Variants in ME2 observed in about 807,000 individuals in gnomAD.
ME2 encodes NAD-dependent malic enzyme, mitochondrial.
ME2 carries 60 observed loss-of-function variants against 73.7 expected under a neutral mutation model. The ratio of observed to expected loss-of-function variants is 0.81; its 90% CI spans 0.66 to 1.01. ME2 has a LOEUF of 1.01. Ranked by LOEUF, ME2 falls within the 50% of genes least tolerant of loss-of-function variation. The probability of loss-of-function intolerance (pLI) is 0.00; values close to 1 mark genes in which losing one functional copy is unlikely to be tolerated. For synonymous variants in ME2, 199 were observed against 236.9 expected (o/e 0.84, Z 1.47); for missense variants, 594 against 705.5 (o/e 0.84, Z 1.79).
intron 7 of ME2, 122 bp from the exon 8 acceptor site, chr18:50,920,334 G>T (rs541968494): frequency 6.2e-6 from 4 of 647,710 alleles, no homozygotes; most frequent in Admixed American, 3.8e-5. Flanking sequence ...AAATTTTTCA[G>T]ATGGCCTTAA....
At chr18:50,917,545 G>A (rs771530715) in intron 6 of ME2, 37 bp downstream of exon 6, 2 of 1,440,470 alleles carry the variant, frequency 1.4e-6, no homozygotes, top group East Asian at 2.3e-5. Flanking sequence ...TCTTCCTCCT[G>A]TATTTTTTAA....
intron 3 of ME2, among the ~76,000 whole-genome samples, chr18:50,912,214 T>C (rs1917173397): frequency 6.6e-6 from 1 of 152,224 alleles, no homozygotes. Context: ...CAAGCTGATA[T>C]TTCCCTGTTC....
chr18:50,953,176 T>A lies in ME2; in HGVS notation c.*5992T>A, dbSNP rs1049659188. The A allele has an allele frequency of 6.6e-6, 1 of 150,536 alleles. No individual in the cohort carries two copies. The highest frequency in any genetic ancestry group is 6.7e-5 in the Admixed American group (1 of 15,032). The allele number at this position is 150,536 out of a possible 1,614,324, so 9.3% of individuals were successfully genotyped here. ...GTGCAGTGGCGCAATCTCAGCTCACTGCAAGCTCCGCCTCCCGGGTTATGC... is the reference window on the plus strand; with the variant it reads ...GTGCAGTGGCGCAATCTCAGCTCACAGCAAGCTCCGCCTCCCGGGTTATGC... On this transcript the variant is annotated 3_prime_UTR_variant, in exon 16 of 16. Coordinates refer to ENST00000321341, the MANE Select transcript of ME2 (RefSeq NM_002396.5).
chr18:50,889,337 G>A (rs1170800082), intron 1 of ME2, among the ~76,000 whole-genome samples: 1 of 152,162 alleles, frequency 6.6e-6, no homozygotes, highest in Non-Finnish European at 1.5e-5. Context: ...GGAAGGGGGT[G>A]CTGGACATTA....
At chr18:50,941,407 C>T (rs1295882610) in intron 15 of ME2, among the ~76,000 whole-genome samples, 3 of 105,178 alleles carry the variant, frequency 2.9e-5, no homozygotes, top group African/African-American at 1.2e-4. Context: ...TGCTCTGTCA[C>T]CCAGGCTTGA....
chr18:50,942,885 T>C (rs1269464423), intron 15 of ME2: 4 of 228,308 alleles, frequency 1.8e-5, no homozygotes, highest in African/African-American at 8.9e-5. Flanking sequence ...TTTTTTAATA[T>C]GCATAGTCCG....
chr18:50,892,256 A>G (rs890572902), intron 1 of ME2, among the ~76,000 whole-genome samples: 4 of 152,194 alleles, frequency 2.6e-5, no homozygotes, highest in Admixed American at 2.6e-4. Context: ...ATTTTCTCAC[A>G]TGTGCTCTTT....
At chr18:50,941,628 G>A (rs926021005) in intron 15 of ME2, among the ~76,000 whole-genome samples, 5 of 149,714 alleles carry the variant, frequency 3.3e-5, no homozygotes, top group African/African-American at 1.2e-4. Context: ...ACCGGCCCTG[G>A]CCTCTCAAAC....
chr18:50,891,669 G>A (rs1916607834), intron 1 of ME2, among the ~76,000 whole-genome samples: 1 of 152,150 alleles, frequency 6.6e-6, no homozygotes, highest in Non-Finnish European at 1.5e-5. Context: ...AAGAGGCTAA[G>A]ATAGCAGAAG....
intron 4 of ME2, among the ~76,000 whole-genome samples, chr18:50,913,910 T>C (rs536029134): frequency 4.6e-4 from 67 of 145,074 alleles, no homozygotes; most frequent in African/African-American, 1.7e-3. Flanking sequence ...TTTCACTTAA[T>C]CTGAGTTTTC....
chr18:50,880,629 G>C (rs1916296308), intron 1 of ME2, among the ~76,000 whole-genome samples: 1 of 152,122 alleles, frequency 6.6e-6, no homozygotes, highest in South Asian at 2.1e-4. Flanking sequence ...TATTGGCCAG[G>C]CTGGTCTCGA....
chr18:50,892,330 G>A (rs893829805), intron 1 of ME2, among the ~76,000 whole-genome samples: 3 of 152,130 alleles, frequency 2.0e-5, no homozygotes, highest in Non-Finnish European at 4.4e-5. Flanking sequence ...AGCTATGATT[G>A]TGCCACTGCA....
At position 50,903,067 on chromosome 18, in the gene ME2, A is replaced by G. The variant is rs570120916; in HGVS notation, c.109-4996A>G. On this transcript the variant is annotated intron_variant, in intron 2 of 15. Coordinates refer to ENST00000321341, the MANE Select transcript of ME2 (RefSeq NM_002396.5). ...CAGCTGGAGGAAGTACACCTCTGCT[A>G]TGTAAATTGGGAGGGAGGGAATTGC... Among the ~76,000 whole-genome samples, 6 of 152,246 alleles carry G rather than the reference A, an allele frequency of 3.9e-5. No homozygotes were observed. The East Asian group carries it at 7.7e-4, about 20-fold the overall frequency.
intron 1 of ME2, among the ~76,000 whole-genome samples, chr18:50,889,055 A>G (rs1411171118): frequency 6.6e-6 from 1 of 152,196 alleles, no homozygotes; most frequent in Non-Finnish European, 1.5e-5. Flanking sequence ...TTAAATGTAC[A>G]GTAGATTGTT....
intron 12 of ME2, among the ~76,000 whole-genome samples, chr18:50,926,724 T>A (rs1917561910): frequency 6.6e-6 from 1 of 152,236 alleles, no homozygotes; most frequent in African/African-American, 2.4e-5. Flanking sequence ...ATCTGGTGAT[T>A]TCCTTTGGCC....
In ME2 at chr18:50,931,847, TG is replaced by T. The variant is rs200547732; in HGVS notation, c.1315-410del. On this transcript the variant is annotated intron_variant, in intron 12 of 15. Transcript: ENST00000321341. ...GGGCCAACACACCCAGCTAATTTTT[TG>T]TATTTTTTGTATTTTTTGTAGAGAT... Among the ~76,000 whole-genome samples, 613 of 149,848 alleles carry T rather than the reference TG, an allele frequency of 4.1e-3. 8 individuals are homozygous for T. The East Asian group carries it at 0.056, about 14-fold the overall frequency.
chr18:50,931,994 A>T (rs1917701601), intron 12 of ME2, among the ~76,000 whole-genome samples: 1 of 152,136 alleles, frequency 6.6e-6, no homozygotes, highest in Non-Finnish European at 1.5e-5. Context: ...TAAATTTCTT[A>T]AAAATAAGTG....
At chr18:50,918,424 G>T (rs973116534) in intron 7 of ME2, among the ~76,000 whole-genome samples, 1 of 152,126 alleles carries the variant, frequency 6.6e-6, no homozygotes, top group Non-Finnish European at 1.5e-5. Flanking sequence ...GCTTTCTTGA[G>T]TTACCTGACA....
chr18:50,892,125 C>G (rs970865544), intron 1 of ME2, among the ~76,000 whole-genome samples: 1 of 151,936 alleles, frequency 6.6e-6, no homozygotes, highest in Admixed American at 6.6e-5. Context: ...CCGGCCTGGA[C>G]TTGTAATTCT....
Sources: gnomAD v4.1 joint callset for allele counts (sites outside exome capture counted in the v4.1 genomes callset) on GRCh38, gnomAD v4.1.1 for gene constraint, MANE v1.5 for transcripts, NCBI Gene and HGNC (gene_info 2026-07-23, HGNC 2026-07-21) for gene names.